CLIC4: variants seen among roughly 807,000 people sequenced by gnomAD.
CLIC4 encodes the protein chloride intracellular channel protein 4.
In CLIC4, 13 loss-of-function variants were observed where a neutral mutation model predicts 24.6. The observed-to-expected ratio is 0.53, with a 90% CI of 0.34 to 0.84. The LOEUF (loss-of-function observed/expected upper bound fraction) is 0.84. Among genes scored for constraint, CLIC4 ranks in the 40% least tolerant of loss-of-function variants. The pLI is 0.01. For synonymous variants in CLIC4, 104 were observed against 111.3 expected, an observed-to-expected ratio of 0.93 and a Z score of 0.41; for missense variants, 227 against 301.7, an observed-to-expected ratio of 0.75 and a Z score of 1.83.
chr1:24,776,906 C>CT (rs1433239187), intron 1 of CLIC4, among the ~76,000 whole-genome samples: 2 of 152,058 alleles, frequency 1.3e-5, no homozygotes, highest in East Asian at 3.9e-4. Context: ...GAGCAAAACT[C>CT]TGTCTCAAAA....
intron 3 of CLIC4, among the ~76,000 whole-genome samples, chr1:24,823,645 G>C (rs1306642214): frequency 1.3e-5 from 2 of 151,858 alleles, no homozygotes; most frequent in Non-Finnish European, 2.9e-5. Flanking sequence ...GTGGTGACGG[G>C]CGCCTGTAAT....
Position 24,745,607 on chromosome 1 carries a change from C to T in CLIC4, c.54C>T (p.Leu18=). The change falls in exon 1 of 6, where the codon CTC becomes CTT. Residue 18 remains leucine (L), a synonymous_variant. Transcript: ENST00000374379. ...NGLKEEDKEP[L]IELFVKAGSD... ...TGAAGGAGGAGGACAAAGAGCCCCT[C>T]ATCGAGCTCTTCGTCAAGGTGAGCG... 6.3e-7 allele frequency: 1 copy of T among 1,577,444 alleles called. No homozygotes were observed.
rs116672918 is a variant in CLIC4, at chr1:24,826,246, T to C, written c.309-764T>C. Among the ~76,000 whole-genome samples, 621 of 152,322 alleles carry C rather than the reference T, an allele frequency of 4.1e-3. 5 individuals are homozygous for C. The highest frequency in any genetic ancestry group is 0.015 in the African/African-American group (605 of 41,568). On this transcript the variant is annotated intron_variant, in intron 3 of 5. Transcript: ENST00000374379. ...GCTTTCTGACATCTCATTTTGTTGT[T>C]GTTCGGTGCTACCCTCATAAATATT...
chr1:24,821,526 CTTCT>C, intron 3 of CLIC4, among the ~76,000 whole-genome samples: 1 of 152,000 alleles, frequency 6.6e-6, no homozygotes, highest in African/African-American at 2.4e-5. Context: ...ATTTTTACTT[CTTCT>C]TTGTTTTTTC....
chr1:24,787,878 CAG>C (rs1322233463), intron 1 of CLIC4, among the ~76,000 whole-genome samples: 1 of 130,238 alleles, frequency 7.7e-6, no homozygotes, highest in Non-Finnish European at 1.6e-5. Context: ...TTGGGAGAGA[CAG>C]AGTCTTGCTC....
At chr1:24,763,970 C>T (rs1638961618) in intron 1 of CLIC4, among the ~76,000 whole-genome samples, 1 of 152,182 alleles carries the variant, frequency 6.6e-6, no homozygotes, top group South Asian at 2.1e-4. Context: ...TTGTCTGCCT[C>T]ATAATAGGCA....
chr1:24,812,465 A>T (rs1437095653), intron 2 of CLIC4, among the ~76,000 whole-genome samples: 2 of 152,178 alleles, frequency 1.3e-5, no homozygotes, highest in Non-Finnish European at 2.9e-5. Context: ...TAGGGAAGTC[A>T]TGACTTACCC....
intron 2 of CLIC4, among the ~76,000 whole-genome samples, chr1:24,811,447 G>T (rs746386350): frequency 6.6e-6 from 1 of 152,134 alleles, no homozygotes; most frequent in Admixed American, 6.6e-5. Flanking sequence ...AGAAACAGCT[G>T]CCCCAGAGGC....
At chr1:24,790,764 A>T (rs1639325115) in intron 1 of CLIC4, among the ~76,000 whole-genome samples, 1 of 152,248 alleles carries the variant, frequency 6.6e-6, no homozygotes, top group African/African-American at 2.4e-5. Flanking sequence ...CATCTCTGAC[A>T]GTATTCTGGC....
chr1:24,836,793 G>A (rs1273159672), intron 4 of CLIC4, among the ~76,000 whole-genome samples: 2 of 152,188 alleles, frequency 1.3e-5, no homozygotes, highest in African/African-American at 2.4e-5. Flanking sequence ...AGCCGAGATC[G>A]TGCCATTGCA....
chr1:24,826,943 G>A, intron 3 of CLIC4, 67 bp from the exon 4 acceptor site: 1 of 1,040,564 alleles, frequency 9.6e-7, no homozygotes, highest in South Asian at 1.5e-5. Context: ...CTAGCATGGT[G>A]GTTTGAGAGA....
intron 3 of CLIC4, among the ~76,000 whole-genome samples, chr1:24,821,074 A>G (rs140039426): frequency 8.5e-5 from 13 of 152,218 alleles, no homozygotes; most frequent in African/African-American, 2.9e-4. Context: ...AGTCCCAGCT[A>G]CTGGGGAGCC....
chr1:24,824,187 A>G (rs1389558835), intron 3 of CLIC4, among the ~76,000 whole-genome samples: 3 of 152,258 alleles, frequency 2.0e-5, no homozygotes, highest in Admixed American at 2.0e-4. Flanking sequence ...TTTATCTTTT[A>G]GAGATAATCT....
At chr1:24,816,862 T>G (rs563101656) in intron 3 of CLIC4, among the ~76,000 whole-genome samples, 10 of 152,322 alleles carry the variant, frequency 6.6e-5, no homozygotes, top group African/African-American at 2.2e-4. Context: ...TAGTAAACCA[T>G]ACTGTGAACA....
chr1:24,808,330 A>G (rs550202075), intron 2 of CLIC4, among the ~76,000 whole-genome samples: 3 of 152,340 alleles, frequency 2.0e-5, no homozygotes, highest in East Asian at 3.9e-4. Flanking sequence ...AGTTTCTTAT[A>G]TAAAATGGAA....
chr1:24,768,909 A>G (rs1639039928), intron 1 of CLIC4, among the ~76,000 whole-genome samples: 1 of 151,302 alleles, frequency 6.6e-6, no homozygotes, highest in Non-Finnish European at 1.5e-5. Context: ...TCACCAAAAA[A>G]AAAAAAAAAA....
chr1:24,786,063 T>C (rs1639264188), intron 1 of CLIC4, among the ~76,000 whole-genome samples: 1 of 152,122 alleles, frequency 6.6e-6, no homozygotes, highest in Admixed American at 6.6e-5. Context: ...AGTTCATTCT[T>C]TAACAACACA....
At chr1:24,787,579 C>T (rs561337270) in intron 1 of CLIC4, among the ~76,000 whole-genome samples, 1 of 152,206 alleles carries the variant, frequency 6.6e-6, no homozygotes, top group South Asian at 2.1e-4. Flanking sequence ...CTTTGTCACC[C>T]AGGCTGGAGT....
At chr1:24,824,982 A>G (rs780004797) in intron 3 of CLIC4, among the ~76,000 whole-genome samples, 41 of 146,714 alleles carry the variant, frequency 2.8e-4, no homozygotes, top group Non-Finnish European at 4.6e-4. Context: ...CCTGGGTGAC[A>G]GAGGGAGACC....
Sources: allele counts gnomAD v4.1 joint callset (sites outside exome capture counted in the v4.1 genomes callset), GRCh38; gene constraint gnomAD v4.1.1; transcripts MANE v1.5; gene names NCBI Gene and HGNC (gene_info 2026-07-23, HGNC 2026-07-21).